The following SLIT3 variants were observed in gnomAD, a reference collection of about 807,000 sequenced individuals.
SLIT3 encodes slit guidance ligand 3, also known as slit homolog 3 protein.
Under a neutral mutation model 184.0 loss-of-function variants are expected in SLIT3, and 68 were observed. The ratio of observed to expected loss-of-function variants is 0.37; its 90% confidence interval spans 0.30 to 0.45. The LOEUF (loss-of-function observed/expected upper bound fraction) is 0.45. SLIT3 is among the 20% of genes least tolerant of loss of function. SLIT3 has a pLI of 1.00. For missense variants in SLIT3, 1,707 were observed against 2,026.0 expected (o/e 0.84, Z 3.02); for synonymous variants, 831 against 828.6 (o/e 1.00, Z -0.05).
At chr5:169,093,594 A>T (rs1009575979) in intron 4 of SLIT3, among the ~76,000 whole-genome samples, 1 of 152,200 alleles carries the variant, frequency 6.6e-6, no homozygotes, top group Non-Finnish European at 1.5e-5. Context: ...TCCTGCCCCA[A>T]CTTATGGGAA....
rs1451072210 is a variant in SLIT3, at chr5:168,662,717, A to C, written c.*3737T>G. 1 of 152,256 alleles carries C rather than the reference A, an allele frequency of 6.6e-6. No homozygotes were observed. The highest frequency in any genetic ancestry group is 2.4e-5 in the African/African-American group (1 of 41,462). The allele number at this position is 152,256 out of a possible 1,614,324, so 9.4% of individuals were successfully genotyped here. ...CGGCCATCGTACGGCCCCTTGGCTGAGTTGAAGAGAACTTCTTTTCCCTTT... is the reference window on the plus strand; with the variant it reads ...CGGCCATCGTACGGCCCCTTGGCTGCGTTGAAGAGAACTTCTTTTCCCTTT... On this transcript the variant is annotated 3_prime_UTR_variant, in exon 36 of 36. Coordinates refer to ENST00000519560, the MANE Select transcript of SLIT3 (RefSeq NM_003062.4).
chr5:168,706,657 G>C (rs368802575), intron 26 of SLIT3: 1 of 152,112 alleles, frequency 6.6e-6, no homozygotes, highest in African/African-American at 2.4e-5. Flanking sequence ...ATGAAATGAC[G>C]GTGTATGGGT....
intron 7 of SLIT3, among the ~76,000 whole-genome samples, chr5:168,822,330 T>C (rs1464802928): frequency 6.6e-6 from 1 of 152,176 alleles, no homozygotes. Flanking sequence ...CTCACCACCA[T>C]TCCTATTTAT....
At chr5:168,881,117 C>G (rs2113785087) in intron 5 of SLIT3, among the ~76,000 whole-genome samples, 1 of 152,284 alleles carries the variant, frequency 6.6e-6, no homozygotes, top group South Asian at 2.1e-4. Context: ...TCCCCGCAAG[C>G]CCAGCTGCTA....
intron 4 of SLIT3, among the ~76,000 whole-genome samples, chr5:169,156,719 T>A (rs559962655): frequency 2.0e-5 from 3 of 152,244 alleles, no homozygotes; most frequent in Non-Finnish European, 2.9e-5. Context: ...AGGTACCTGA[T>A]GATATACATA....
At chr5:168,880,241 C>G (rs906710806) in intron 5 of SLIT3, among the ~76,000 whole-genome samples, 19 of 152,302 alleles carry the variant, frequency 1.2e-4, no homozygotes, top group Middle Eastern at 3.4e-3. Context: ...GGTTCCCCTT[C>G]CAGAACAAAT....
rs772242728 is a variant in SLIT3 at position 168,708,095 on chromosome 5, C to A, written c.2725G>T (p.Val909Leu). 9.6e-5 allele frequency: 155 copies of A among 1,614,106 alleles called. 5 individuals are homozygous for A. The South Asian group carries it at 1.6e-3, about 17-fold the overall frequency. ...PTHRFQCKGP[V>L]DINIVAKCNA... ...CATTTGGCCACAATGTTGATGTCCA[C>A]TGGCCCTGGGCAGCAAAACCAGAGT... The change falls in exon 26 of 36, where the codon GTG becomes TTG. Residue 909 changes from valine to leucine, a missense_variant. Coordinates refer to ENST00000519560, the MANE Select transcript of SLIT3 (RefSeq NM_003062.4).
chr5:168,719,068 G>T (rs2113357758), intron 23 of SLIT3, among the ~76,000 whole-genome samples: 1 of 152,062 alleles, frequency 6.6e-6, no homozygotes, highest in East Asian at 1.9e-4. Context: ...TATTTCTTTT[G>T]AAACAAGGTC....
At chr5:169,295,616 G>A (rs1356547407) in intron 1 of SLIT3, among the ~76,000 whole-genome samples, 3 of 152,176 alleles carry the variant, frequency 2.0e-5, no homozygotes, top group African/African-American at 7.2e-5. Context: ...TCTCCGGAGC[G>A]CCTGCCCTAA....
Position 168,712,711 on chromosome 5 carries a change from G to A in SLIT3, c.2484-357C>T, listed in dbSNP as rs116356252. 3.2e-3 allele frequency: 680 copies of A among 213,098 alleles called. 3 individuals carry two copies. Among genetic ancestry groups the A allele is most frequent in the African/African-American group, 0.015 (641 of 43,846 alleles). The allele number at this position is 213,098 out of a possible 1,614,324, so 13.2% of individuals were successfully genotyped here. A position where few individuals can be genotyped will look rare whatever the true frequency, so the allele number is the denominator to read the frequency against. ...AAGGAAGAGACCCAAGGGAGTTACT[G>A]GAGTTTCAGAGATCATATGAAGAGC... On this transcript the variant is annotated intron_variant, in intron 23 of 35. Transcript: ENST00000519560.
intron 9 of SLIT3, among the ~76,000 whole-genome samples, chr5:168,804,620 G>C (rs1177267134): frequency 1.3e-5 from 2 of 152,186 alleles, no homozygotes; most frequent in African/African-American, 4.8e-5. Flanking sequence ...AGGCGGAGAG[G>C]GCAGGCAGAA....
At chr5:169,239,493 T>G (rs77057424) in intron 3 of SLIT3, among the ~76,000 whole-genome samples, 37 of 152,268 alleles carry the variant, frequency 2.4e-4, no homozygotes, top group Admixed American at 1.6e-3. Context: ...ATTTCTCTAA[T>G]TGATATAAGA....
chr5:168,954,696 G>T (rs1260222634), intron 4 of SLIT3, among the ~76,000 whole-genome samples: 1 of 152,216 alleles, frequency 6.6e-6, no homozygotes, highest in Non-Finnish European at 1.5e-5. Context: ...CACTGAGGGA[G>T]CTCAAACTCA....
chr5:168,972,337 ATGTGTGTGTG>A (rs60588036), intron 4 of SLIT3, among the ~76,000 whole-genome samples: 41 of 118,328 alleles, frequency 3.5e-4, no homozygotes, highest in Middle Eastern at 4.2e-3. Context: ...GCAGGACAAC[ATGTGTGTGTG>A]TGTGTGTGTG....
At chr5:168,871,515 A>G (rs1281339681) in intron 5 of SLIT3, among the ~76,000 whole-genome samples, 1 of 151,958 alleles carries the variant, frequency 6.6e-6, no homozygotes, top group Non-Finnish European at 1.5e-5. Flanking sequence ...CCTACTTTAT[A>G]CCTAGCCCAT....
intron 20 of SLIT3, among the ~76,000 whole-genome samples, chr5:168,731,226 G>C (rs62378470): frequency 0.049 from 7,463 of 151,930 alleles, 194 homozygotes; most frequent in African/African-American, 0.075. Flanking sequence ...TCCTGAAATT[G>C]AACCAGGAAT....
At chr5:168,729,254 G>C (rs1166807554) in intron 20 of SLIT3, among the ~76,000 whole-genome samples, 1 of 152,106 alleles carries the variant, frequency 6.6e-6, no homozygotes, top group Admixed American at 6.6e-5. Flanking sequence ...TCCCAAGTCT[G>C]TCAAGAGAGT....
intron 4 of SLIT3, among the ~76,000 whole-genome samples, chr5:168,989,124 C>G (rs1400103541): frequency 1.3e-5 from 2 of 152,118 alleles, no homozygotes; most frequent in African/African-American, 4.8e-5. Context: ...CAGAACAGAA[C>G]AGAAAGAATG....
At chr5:169,246,563 C>T (rs920381747) in intron 2 of SLIT3, among the ~76,000 whole-genome samples, 7 of 152,084 alleles carry the variant, frequency 4.6e-5, no homozygotes, top group East Asian at 1.9e-4. Flanking sequence ...AAAGTTCTTA[C>T]GAGAACAAAA....
Sources: allele counts gnomAD v4.1 joint callset (sites outside exome capture counted in the v4.1 genomes callset), GRCh38; gene constraint gnomAD v4.1.1; transcripts MANE v1.5; gene names NCBI Gene and HGNC (gene_info 2026-07-23, HGNC 2026-07-21).